PRKN: variants seen among roughly 807,000 people sequenced by gnomAD.
The protein encoded by PRKN is parkin RBR E3 ubiquitin protein ligase.
In PRKN, 56 loss-of-function variants were observed where a neutral mutation model predicts 59.5. The observed-to-expected ratio is 0.94, with a 90% CI of 0.76 to 1.18. The LOEUF (loss-of-function observed/expected upper bound fraction) is 1.18. Ranked by LOEUF, PRKN falls within the 50% of genes most tolerant of loss-of-function variation. The pLI is 0.00. For synonymous variants in PRKN, 250 were observed against 222.1 expected, an observed-to-expected ratio of 1.13 and a Z score of -1.12; for missense variants, 657 against 596.4, an observed-to-expected ratio of 1.10 and a Z score of -1.06.
intron 6 of PRKN, among the ~76,000 whole-genome samples, chr6:161,945,112 T>TA (rs11403670): frequency 0.46 from 69,514 of 151,666 alleles, 16,064 homozygotes; most frequent in Middle Eastern, 0.55. Flanking sequence ...ATAACTTTTT[T>TA]AAAAAAAAGC....
chr6:162,390,954 T>G (rs1019351027), intron 2 of PRKN, among the ~76,000 whole-genome samples: 2 of 152,340 alleles, frequency 1.3e-5, no homozygotes, highest in East Asian at 1.9e-4. Context: ...GTCAAATATT[T>G]GATAAGGACC....
intron 1 of PRKN, among the ~76,000 whole-genome samples, chr6:162,484,709 G>A (rs549085540): frequency 3.3e-5 from 5 of 152,266 alleles, no homozygotes; most frequent in African/African-American, 1.2e-4. Context: ...GCAGTGAGAC[G>A]GGGCATGCTT....
chr6:162,389,569 ATTTT>A, intron 2 of PRKN, among the ~76,000 whole-genome samples: 1 of 152,232 alleles, frequency 6.6e-6, no homozygotes, highest in Non-Finnish European at 1.5e-5. Context: ...CCGATGATTC[ATTTT>A]AATCATTTAC....
In PRKN at chr6:161,448,283, T is replaced by C. The variant is rs13207204; in HGVS notation, c.1084-61406A>G. 0.35 allele frequency among the ~76,000 whole-genome samples: 53,202 copies of C among 151,874 alleles called. 9,568 individuals carry two copies. The highest frequency in any genetic ancestry group is 0.41 in the Middle Eastern group (119 of 292). On this transcript the variant is annotated intron_variant, in intron 9 of 11. Coordinates refer to ENST00000366898, the MANE Select transcript of PRKN (RefSeq NM_004562.3). The surrounding 1 kb of genome is among the most constrained non-coding windows in gnomAD (Gnocchi z 5.1). ...GCGTATCTCTGAATGGCCACTCCCA[T>C]GCAGCCCTTGAATGAATTACTTAAC...
rs140418312 is a variant in PRKN, at chr6:162,580,588, C to T, written c.8-137115G>A. Among the ~76,000 whole-genome samples, 38 of 151,010 alleles carry T rather than the reference C, an allele frequency of 2.5e-4. No individual in the cohort carries two copies. In the East Asian group the frequency reaches 5.4e-3, roughly 22 times the overall value. The stretch of plus-strand genomic sequence containing the variant: ...ACAGAGAAAAAAAAAAAAATCTGTA[C>T]GATGCCCCCCAGCAAGTGTCAGGAA... On this transcript the variant is annotated intron_variant, in intron 1 of 11. Coordinates refer to ENST00000366898, the MANE Select transcript of PRKN (RefSeq NM_004562.3).
chr6:161,739,347 G>A (rs1397689212), intron 7 of PRKN, among the ~76,000 whole-genome samples: 1 of 152,148 alleles, frequency 6.6e-6, no homozygotes, highest in African/African-American at 2.4e-5. Flanking sequence ...GATGGAGGTT[G>A]CGGTGAGCTG....
At chr6:161,837,166 A>G (rs1395278372) in intron 6 of PRKN, among the ~76,000 whole-genome samples, 4 of 152,226 alleles carry the variant, frequency 2.6e-5, no homozygotes, top group Admixed American at 2.6e-4. Context: ...CCCCCTCATC[A>G]ATGCTCAGTC....
intron 4 of PRKN, among the ~76,000 whole-genome samples, chr6:162,148,300 T>C (rs895637507): frequency 2.6e-5 from 4 of 152,162 alleles, no homozygotes; most frequent in Admixed American, 6.6e-5. Context: ...TCTGATGAGT[T>C]TGACCCTCGT....
At chr6:161,823,165 G>A (rs2128216811) in intron 6 of PRKN, among the ~76,000 whole-genome samples, 1 of 150,718 alleles carries the variant, frequency 6.6e-6, no homozygotes, top group East Asian at 2.0e-4. Context: ...TCAAACCCCT[G>A]GGCTCAAGTG....
At chr6:161,942,802 A>G (rs1779614398) in intron 6 of PRKN, among the ~76,000 whole-genome samples, 1 of 152,226 alleles carries the variant, frequency 6.6e-6, no homozygotes, top group Non-Finnish European at 1.5e-5. Flanking sequence ...AAAAAATTAT[A>G]TCAGAGATCT....
chr6:162,443,861 A>G lies in PRKN; in HGVS notation c.8-388T>C, dbSNP rs531984905. Among the ~76,000 whole-genome samples the G allele has an allele frequency of 3.9e-5, 6 of 152,132 alleles. No individual in the cohort carries two copies. In the South Asian group the frequency reaches 6.2e-4, roughly 16 times the overall value. ...CACTCCCTCCACAGTGACCCTCTTA[A>G]TAAAAATAGGAGGCGATGTGTTAGC... On this transcript the variant is annotated intron_variant, in intron 1 of 11. Transcript: ENST00000366898.
chr6:161,414,836 G>C lies in PRKN; in HGVS notation c.1084-27959C>G, dbSNP rs1787765873. On this transcript the variant is annotated intron_variant, in intron 9 of 11. Transcript: ENST00000366898. The surrounding 1 kb of genome is among the most constrained non-coding windows in gnomAD (Gnocchi z 5.3). ...TGTAGTTGCCAGACTCTATTATTGT[G>C]GGCTATAAATTAAGAGGCTTCCGTT... 6.6e-6 allele frequency among the ~76,000 whole-genome samples: 1 copy of C among 152,154 alleles called. No homozygotes were observed. Among genetic ancestry groups the C allele is most frequent in the Non-Finnish European group, 1.5e-5 (1 of 68,028 alleles).
At chr6:161,870,373 T>G (rs1794295524) in intron 6 of PRKN, among the ~76,000 whole-genome samples, 1 of 152,174 alleles carries the variant, frequency 6.6e-6, no homozygotes, top group South Asian at 2.1e-4. Context: ...TTCAATGTCC[T>G]TTAACTTTTC....
intron 6 of PRKN, among the ~76,000 whole-genome samples, chr6:161,790,426 G>A (rs1790592476): frequency 6.6e-6 from 1 of 152,150 alleles, no homozygotes; most frequent in African/African-American, 2.4e-5. Context: ...ATTCACTGAA[G>A]GTTTCTGCTA....
chr6:162,558,568 A>ATCTGCCTGCC (rs1779707651), intron 1 of PRKN, among the ~76,000 whole-genome samples: 2 of 151,858 alleles, frequency 1.3e-5, no homozygotes, highest in Non-Finnish European at 1.5e-5. Flanking sequence ...ATTTCAGGTG[A>ATCTGCCTGCC]TCTGCCTGCC....
At chr6:162,608,794 C>A (rs987473038) in intron 1 of PRKN, among the ~76,000 whole-genome samples, 1 of 152,054 alleles carries the variant, frequency 6.6e-6, no homozygotes, top group African/African-American at 2.4e-5. Context: ...GAGTGGAAGT[C>A]TCAGTAGAAA....
Position 161,410,959 on chromosome 6 carries a change from C to T in PRKN, c.1084-24082G>A, listed in dbSNP as rs1044572729. ...TAAACAGGAAGTTTCATCCTGAAAC[C>T]GGTTTCCTCAGGTGGAAGGAAGGCA... is the stretch of plus-strand genomic sequence containing the variant. On this transcript the variant is annotated intron_variant, in intron 9 of 11. Transcript: ENST00000366898. This position sits in a 1 kb window ranked among gnomAD's most constrained non-coding sequence, Gnocchi z 5.3. Among the ~76,000 whole-genome samples the T allele has an allele frequency of 7.9e-5, 12 of 152,074 alleles. No homozygotes were observed. Among genetic ancestry groups the T allele is most frequent in the Admixed American group, 2.0e-4 (3 of 15,260 alleles).
At chr6:162,412,772 G>A (rs931568679) in intron 2 of PRKN, among the ~76,000 whole-genome samples, 3 of 152,080 alleles carry the variant, frequency 2.0e-5, no homozygotes, top group East Asian at 1.9e-4. Flanking sequence ...CTTGAGAACT[G>A]TAAGCTTATA....
intron 2 of PRKN, among the ~76,000 whole-genome samples, chr6:162,393,729 G>T (rs1200464401): frequency 1.3e-5 from 2 of 152,060 alleles, no homozygotes; most frequent in Non-Finnish European, 2.9e-5. Context: ...TTTATTTTTG[G>T]ATATACATTA....
Sources: allele counts gnomAD v4.1 joint callset (sites outside exome capture counted in the v4.1 genomes callset), GRCh38; gene constraint gnomAD v4.1.1; non-coding constraint Gnocchi (gnomAD v3.1); transcripts MANE v1.5; gene names NCBI Gene and HGNC (gene_info 2026-07-23, HGNC 2026-07-21).